Variants in ARHGDIB observed in about 807,000 individuals in gnomAD.
ARHGDIB encodes the protein rho GDP-dissociation inhibitor 2.
In ARHGDIB, 20 loss-of-function variants were observed where a neutral mutation model predicts 22.6. That is an observed-to-expected ratio of 0.88 (90% CI 0.62 to 1.28). ARHGDIB has a LOEUF of 1.28. ARHGDIB is among the 50% of genes most tolerant of loss of function. ARHGDIB has a pLI of 0.00. For synonymous variants in ARHGDIB, 114 were observed against 96.1 expected (o/e 1.19, Z -1.09); for missense variants, 254 against 245.4 (o/e 1.04, Z -0.23).
chr12:14,952,708 C>T (rs1019372873), intron 1 of ARHGDIB, among the ~76,000 whole-genome samples: 1 of 152,158 alleles, frequency 6.6e-6, no homozygotes, highest in Non-Finnish European at 1.5e-5. Context: ...TACCCAGAAC[C>T]CTGGTGATCC....
intron 1 of ARHGDIB, among the ~76,000 whole-genome samples, chr12:14,959,749 G>A (rs1864374247): frequency 6.6e-6 from 1 of 152,136 alleles, no homozygotes; most frequent in Non-Finnish European, 1.5e-5. Context: ...GCTCTCCAAA[G>A]CAAGGAAGGA....
In ARHGDIB at chr12:14,950,656, G is replaced by A. The variant is rs745592634; in HGVS notation, c.57C>T (p.Asp19=). ...GTGGAGGCTTATAATTGAGCTTGCT[G>A]TCCAGCTCATCATCGTCATCCTCCT... ...HVEEDDDDEL[D]SKLNYKPPPQ... Residue 19 remains aspartate (D), a synonymous_variant, in exon 2 of 6, where the codon GAC becomes GAT. Coordinates refer to ENST00000228945, the MANE Select transcript of ARHGDIB (RefSeq NM_001175.7). The A allele has an allele frequency of 1.2e-6, 2 of 1,613,802 alleles. No homozygotes were observed. Among genetic ancestry groups the A allele is most frequent in the African/African-American group, 2.7e-5 (2 of 74,888 alleles).
intron 1 of ARHGDIB, among the ~76,000 whole-genome samples, chr12:14,951,380 C>T (rs183913617): frequency 3.3e-5 from 5 of 152,308 alleles, no homozygotes; most frequent in African/African-American, 9.6e-5. Context: ...TTCTTGAATT[C>T]CCCCTAAAAC....
Position 14,950,735 on chromosome 12 carries a change from G to A in ARHGDIB, c.-12-11C>T. ...CATTCTGATCTATTTCTGGGAGACA[G>A]AATGACAGCCCGTTAGTCAACAAGT... On this transcript the variant is annotated splice_polypyrimidine_tract_variant and intron_variant, in intron 1 of 5. Transcript: ENST00000228945. 6.3e-7 allele frequency: 1 copy of A among 1,577,822 alleles called. No homozygotes were observed.
In ARHGDIB at chr12:14,958,418, C is replaced by T. The variant is rs1286173363; in HGVS notation, c.-13+3119G>A. Among the ~76,000 whole-genome samples, 6 of 152,140 alleles carry T rather than the reference C, an allele frequency of 3.9e-5. No homozygotes were observed. In the East Asian group the frequency reaches 5.8e-4, roughly 15 times the overall value. On this transcript the variant is annotated intron_variant, in intron 1 of 5. Transcript: ENST00000228945. ...AGAGAAGGGCACAAATTACTAGAAA[C>T]GTAATTTCTTACCATTTGTCTTTGT...
chr12:14,945,562 T>G (rs755537291), intron 4 of ARHGDIB, among the ~76,000 whole-genome samples: 14 of 152,368 alleles, frequency 9.2e-5, no homozygotes, highest in South Asian at 2.1e-4. Context: ...TCTGTTAATT[T>G]TACACAGTCG....
At chr12:14,953,193 G>A (rs776483954) in intron 1 of ARHGDIB, among the ~76,000 whole-genome samples, 3 of 152,194 alleles carry the variant, frequency 2.0e-5, no homozygotes, top group Non-Finnish European at 4.4e-5. Flanking sequence ...TTAAAGAGTG[G>A]AGGATACTGT....
chr12:14,957,715 CAG>C (rs968353620), intron 1 of ARHGDIB, among the ~76,000 whole-genome samples: 1 of 152,080 alleles, frequency 6.6e-6, no homozygotes, highest in Admixed American at 6.5e-5. Flanking sequence ...CAAAATACCA[CAG>C]AGACTTAACT....
At chr12:14,958,342 A>C (rs1055486886) in intron 1 of ARHGDIB, among the ~76,000 whole-genome samples, 1 of 152,212 alleles carries the variant, frequency 6.6e-6, no homozygotes, top group African/African-American at 2.4e-5. Flanking sequence ...GGATGAGAAA[A>C]ACCAAAGACA....
chr12:14,951,948 G>T (rs1007595743), intron 1 of ARHGDIB, among the ~76,000 whole-genome samples: 2 of 152,126 alleles, frequency 1.3e-5, no homozygotes, highest in Admixed American at 1.3e-4. Context: ...AAGAATTTCA[G>T]GCCCTGTGGC....
In ARHGDIB at chr12:14,951,962, C is replaced by T. The variant is rs181342966; in HGVS notation, c.-12-1238G>A. Among the ~76,000 whole-genome samples, 97 of 152,170 alleles carry T rather than the reference C, an allele frequency of 6.4e-4. 2 individuals are homozygous for T. In the East Asian group the frequency reaches 0.017, roughly 27 times the overall value. On this transcript the variant is annotated intron_variant, in intron 1 of 5. Transcript: ENST00000228945. ...GAAGAATTTCAGGCCCTGTGGCTGACAGCCACATGAGATGGCTGCCGGGGA... is the reference window on the plus strand; with the variant it reads ...GAAGAATTTCAGGCCCTGTGGCTGATAGCCACATGAGATGGCTGCCGGGGA...
intron 1 of ARHGDIB, among the ~76,000 whole-genome samples, chr12:14,958,855 T>C (rs1321015799): frequency 6.6e-6 from 1 of 152,180 alleles, no homozygotes; most frequent in Non-Finnish European, 1.5e-5. Flanking sequence ...GATGTGCTTA[T>C]TGCACAGATA....
chr12:14,943,273 T>G (rs1017182424), intron 5 of ARHGDIB, among the ~76,000 whole-genome samples: 1 of 152,190 alleles, frequency 6.6e-6, no homozygotes, highest in Non-Finnish European at 1.5e-5. Context: ...TATGGTTCAG[T>G]AACCTTCTGT....
At position 14,957,639 on chromosome 12, in the gene ARHGDIB, C is replaced by T. The variant is rs531948332; in HGVS notation, c.-13+3898G>A. ...TTCATTGAAGCCAGAGGTCACTCTG[C>T]GAATGATGAGAAATGTCAGTGAACA... On this transcript the variant is annotated intron_variant, in intron 1 of 5. Transcript: ENST00000228945. 1.4e-3 allele frequency among the ~76,000 whole-genome samples: 219 copies of T among 152,190 alleles called. 3 individuals are homozygous for T. In the South Asian group the frequency reaches 0.021, roughly 15 times the overall value.
chr12:14,959,644 A>G (rs12312201), intron 1 of ARHGDIB, among the ~76,000 whole-genome samples: 4,855 of 152,172 alleles, frequency 0.032, 111 homozygotes, highest in Non-Finnish European at 0.048. Flanking sequence ...TCAGACCCGT[A>G]TCTTTCCCTC....
At chr12:14,959,584 C>T (rs12579745) in intron 1 of ARHGDIB, among the ~76,000 whole-genome samples, 1 of 152,162 alleles carries the variant, frequency 6.6e-6, no homozygotes, top group Non-Finnish European at 1.5e-5. Flanking sequence ...CAGGGCTTCT[C>T]TTTTCCTGCT....
intron 1 of ARHGDIB, among the ~76,000 whole-genome samples, chr12:14,955,875 T>A (rs1486652769): frequency 6.6e-6 from 1 of 152,242 alleles, no homozygotes; most frequent in Non-Finnish European, 1.5e-5. Context: ...GATTTTCCTA[T>A]TGATAATATT....
rs576305019 is a variant in ARHGDIB at position 14,961,582 on chromosome 12, T to G, written c.-58A>C. ...GTCCGGGGTGCCTCTGTCTCTCAAC[T>G]CTGACTTCTGAGTACTGGCAGTTAG... is the stretch of plus-strand genomic sequence containing the variant. On this transcript the variant is annotated 5_prime_UTR_variant, in exon 1 of 6. Transcript: ENST00000228945. 6.6e-6 allele frequency: 1 copy of G among 151,950 alleles called. No homozygotes were observed. Among genetic ancestry groups the G allele is most frequent in the Non-Finnish European group, 1.5e-5 (1 of 68,048 alleles). 9.4% of individuals were successfully genotyped at this position (151,950 alleles called of 1,614,324 possible).
intron 2 of ARHGDIB, 119 bp downstream of exon 2, chr12:14,950,413 C>T (rs1864140131): frequency 6.0e-6 from 5 of 829,972 alleles, no homozygotes; most frequent in South Asian, 5.3e-5. Flanking sequence ...AATTGTGCCT[C>T]GCTCACTTTT....
Sources: gnomAD v4.1 joint callset for allele counts (sites outside exome capture counted in the v4.1 genomes callset) on GRCh38, gnomAD v4.1.1 for gene constraint, MANE v1.5 for transcripts, NCBI Gene and HGNC (gene_info 2026-07-23, HGNC 2026-07-21) for gene names.